CEP170: variants seen among roughly 807,000 people sequenced by gnomAD.
The protein encoded by CEP170 is centrosomal protein of 170 kDa.
CEP170 carries 21 observed loss-of-function variants against 151.9 expected under a neutral mutation model. That is an observed-to-expected ratio of 0.14 (90% CI 0.10 to 0.20). CEP170 has a LOEUF of 0.20. Among genes scored for constraint, CEP170 ranks in the 10% least tolerant of loss-of-function variants. The pLI is 1.00. For missense variants in CEP170, 964 were observed against 1,892.9 expected (o/e 0.51, Z 9.11); for synonymous variants, 356 against 648.8 (o/e 0.55, Z 6.86).
intron 1 of CEP170, among the ~76,000 whole-genome samples, chr1:243,244,602 G>C (rs1475064989): frequency 6.6e-6 from 1 of 151,932 alleles, no homozygotes; most frequent in Non-Finnish European, 1.5e-5. Context: ...AAAATTAACT[G>C]GGCCTGGTGG....
At position 243,145,143 on chromosome 1, in the gene CEP170, T is replaced by C. The variant is rs566241308; in HGVS notation, c.3912-2680A>G. On this transcript the variant is annotated intron_variant, in intron 14 of 19. Transcript: ENST00000366542. ...ATATTAAAAATTAGAGTTCTAGTTA[T>C]GTGTATACCCAATTAAACACACAAT... is the stretch of plus-strand genomic sequence containing the variant. Among the ~76,000 whole-genome samples, 11 of 152,368 alleles carry C rather than the reference T, an allele frequency of 7.2e-5. No homozygotes were observed. The South Asian group carries it at 2.3e-3, about 32-fold the overall frequency.
intron 14 of CEP170, among the ~76,000 whole-genome samples, chr1:243,153,374 A>C (rs1463421881): frequency 6.6e-6 from 1 of 152,218 alleles, no homozygotes; most frequent in East Asian, 1.9e-4. Flanking sequence ...GCAGTTTTGA[A>C]AGAAGTTCTA....
intron 3 of CEP170, among the ~76,000 whole-genome samples, chr1:243,214,035 T>C (rs2062041405): frequency 6.6e-6 from 1 of 152,160 alleles, no homozygotes; most frequent in African/African-American, 2.4e-5. Flanking sequence ...GTGTCATATT[T>C]TAAAAGAAAT....
At chr1:243,252,858 G>T (rs1318811331) in intron 1 of CEP170, among the ~76,000 whole-genome samples, 1 of 151,954 alleles carries the variant, frequency 6.6e-6, no homozygotes, top group Non-Finnish European at 1.5e-5. Flanking sequence ...GAAGAAAAAA[G>T]CACTTTATGG....
At chr1:243,183,849 T>C (rs186208055) in intron 10 of CEP170, among the ~76,000 whole-genome samples, 1 of 152,198 alleles carries the variant, frequency 6.6e-6, no homozygotes, top group Non-Finnish European at 1.5e-5. Flanking sequence ...AAATGGACTC[T>C]GAGAATAAAA....
chr1:243,142,061 T>C (rs2787234), intron 15 of CEP170, among the ~76,000 whole-genome samples: 2 of 152,374 alleles, frequency 1.3e-5, no homozygotes, highest in East Asian at 3.9e-4. Context: ...AGTGAAGCTA[T>C]GGACCAAGAA....
At chr1:243,195,458 C>A (rs182880443) in intron 7 of CEP170, among the ~76,000 whole-genome samples, 1 of 151,820 alleles carries the variant, frequency 6.6e-6, no homozygotes, top group Admixed American at 6.6e-5. Flanking sequence ...TAAACCAGGG[C>A]TTTTTAAGCT....
intron 3 of CEP170, among the ~76,000 whole-genome samples, chr1:243,216,157 T>C (rs750372845): frequency 7.9e-5 from 12 of 152,166 alleles, no homozygotes; most frequent in African/African-American, 2.9e-4. Flanking sequence ...AAGTTTTTCT[T>C]TGATAAACTG....
chr1:243,146,302 A>C (rs1025525089), intron 14 of CEP170, among the ~76,000 whole-genome samples: 2 of 152,214 alleles, frequency 1.3e-5, no homozygotes, highest in Non-Finnish European at 1.5e-5. Context: ...GGAGACTTTT[A>C]ATCTGAACAG....
Position 243,200,950 on chromosome 1 carries a change from T to C in CEP170, c.275-115A>G, listed in dbSNP as rs564540742. 177 of 1,106,998 alleles carry C rather than the reference T, an allele frequency of 1.6e-4. No individual in the cohort carries two copies. In the African/African-American group the frequency reaches 2.5e-3, roughly 16 times the overall value. The allele number at this position is 1,106,998 out of a possible 1,614,324, so 68.6% of individuals were successfully genotyped here. A position where few individuals can be genotyped will look rare whatever the true frequency, so the allele number is the denominator to read the frequency against. ...TCAACAGGTAACTACAGCAGAATTA[T>C]TATATTTCCCCTGAATAGTTAAATA... On this transcript the variant is annotated intron_variant, in intron 4 of 19. Transcript: ENST00000366542.
chr1:243,142,603 T>C, intron 14 of CEP170, 140 bp from the exon 15 acceptor site: 1 of 612,424 alleles, frequency 1.6e-6, no homozygotes. Flanking sequence ...ACTATTTTGA[T>C]AATCAGTCTT....
At chr1:243,215,210 G>GACCCTGTGA (rs2062158204) in intron 3 of CEP170, among the ~76,000 whole-genome samples, 3 of 152,044 alleles carry the variant, frequency 2.0e-5, no homozygotes. Context: ...GTCGCCTCAG[G>GACCCTGTGA]ACCCTGTGAT....
At chr1:243,163,964 A>G (rs2058259692) in intron 13 of CEP170, among the ~76,000 whole-genome samples, 1 of 152,198 alleles carries the variant, frequency 6.6e-6, no homozygotes, top group Admixed American at 6.5e-5. Flanking sequence ...AGATAATTTA[A>G]TTTTGACACA....
intron 19 of CEP170, among the ~76,000 whole-genome samples, chr1:243,127,187 T>G (rs1043021269): frequency 2.0e-5 from 3 of 152,194 alleles, no homozygotes; most frequent in Non-Finnish European, 4.4e-5. Context: ...ATACTTTGAA[T>G]GCTACCATAG....
chr1:243,169,865 C>T, intron 11 of CEP170, 111 bp from the exon 12 acceptor site: 2 of 1,291,456 alleles, frequency 1.5e-6, no homozygotes, highest in Non-Finnish European at 1.1e-6. Context: ...CATAATTAAA[C>T]CTCACCTTGC....
chr1:243,249,381 G>C (rs1446894207), intron 1 of CEP170, among the ~76,000 whole-genome samples: 3 of 151,612 alleles, frequency 2.0e-5, no homozygotes, highest in Admixed American at 2.0e-4. Context: ...TCCTGCCCCT[G>C]TACCCCATCC....
chr1:243,140,168 G>A, intron 15 of CEP170, 61 bp from the exon 16 acceptor site: 2 of 1,562,482 alleles, frequency 1.3e-6, no homozygotes, highest in Middle Eastern at 3.4e-4. Flanking sequence ...ACCAATATTG[G>A]CATTACAATT....
At chr1:243,152,559 T>C (rs1381543234) in intron 14 of CEP170, among the ~76,000 whole-genome samples, 1 of 92,716 alleles carries the variant, frequency 1.1e-5, no homozygotes, top group Non-Finnish European at 2.0e-5. Context: ...TGAGATAGAG[T>C]CTCGCTCTGT....
chr1:243,217,183 G>A lies in CEP170; in HGVS notation c.195+4541C>T, dbSNP rs141862317. 7.2e-5 allele frequency among the ~76,000 whole-genome samples: 11 copies of A among 152,266 alleles called. 1 individual carries two copies. Among genetic ancestry groups the A allele is most frequent in the Non-Finnish European group, 1.2e-4 (8 of 68,024 alleles). ...ATTATAATCTTATGGTACCACTGCC[G>A]TGTATGTGGTCTGCCGTTATGGGAT... On this transcript the variant is annotated intron_variant, in intron 3 of 19. Coordinates refer to ENST00000366542, the MANE Select transcript of CEP170 (RefSeq NM_014812.3).
Sources: allele counts gnomAD v4.1 joint callset (sites outside exome capture counted in the v4.1 genomes callset), GRCh38; gene constraint gnomAD v4.1.1; transcripts MANE v1.5; gene names NCBI Gene and HGNC (gene_info 2026-07-23, HGNC 2026-07-21).